STAU1: variants seen among roughly 807,000 people sequenced by gnomAD.
The protein encoded by STAU1 is staufen double-stranded RNA binding protein 1, also known as double-stranded RNA-binding protein Staufen homolog 1.
A neutral mutation model predicts 62.9 loss-of-function variants in STAU1; 13 were observed. That is an observed-to-expected ratio of 0.21 (90% CI 0.13 to 0.33). STAU1 has a LOEUF of 0.33. STAU1 is among the 10% of genes least tolerant of loss of function. The probability of loss-of-function intolerance (pLI) is 1.00; values close to 1 mark genes in which losing one functional copy is unlikely to be tolerated. For synonymous variants in STAU1, 269 were observed against 265.1 expected, an observed-to-expected ratio of 1.01 and a Z score of -0.14; for missense variants, 571 against 712.1, an observed-to-expected ratio of 0.80 and a Z score of 2.25.
At chr20:49,188,079 G>C (rs1386060770) in intron 1 of STAU1, 37 bp downstream of exon 1, 4 of 151,406 alleles carry the variant, frequency 2.6e-5, no homozygotes, top group Non-Finnish European at 4.4e-5. Context: ...GCGCCCGCGA[G>C]GGCCCCACCA....
At position 49,114,910 on chromosome 20, in the gene STAU1, T is replaced by C. The variant is rs1158242909; in HGVS notation, c.1719-17A>G. 2.5e-6 allele frequency: 4 copies of C among 1,612,240 alleles called. No individual in the cohort carries two copies. The highest frequency in any genetic ancestry group is 1.3e-5 in the African/African-American group (1 of 74,816). On this transcript the variant is annotated splice_polypyrimidine_tract_variant and intron_variant, in intron 13 of 13. Transcript: ENST00000371856. ...CTCCCACACCTTTAAGGAAGAAAAA[T>C]GAAAATGACACTAGTTTTGAAATGT...
upstream of STAU1, among the ~76,000 whole-genome samples, chr20:49,191,773 G>A (rs904956502): frequency 4.6e-5 from 7 of 152,086 alleles, 1 homozygote; most frequent in South Asian, 6.2e-4. Flanking sequence ...TAATGGGGCC[G>A]GGCGCAGTGG....
chr20:49,116,709 C>T (rs2092334458), intron 12 of STAU1, among the ~76,000 whole-genome samples: 1 of 152,154 alleles, frequency 6.6e-6, no homozygotes, highest in Non-Finnish European at 1.5e-5. Context: ...ATTTGTTGAT[C>T]TGATCAATTC....
chr20:49,208,325 T>C, the STAU1 span, among the ~76,000 whole-genome samples: 2 of 152,080 alleles, frequency 1.3e-5, no homozygotes, highest in Non-Finnish European at 2.9e-5. Context: ...CCCAAAGTGC[T>C]AGGATTACAG....
intron 6 of STAU1, among the ~76,000 whole-genome samples, chr20:49,131,446 A>G (rs2092747284): frequency 2.6e-5 from 4 of 152,234 alleles, no homozygotes. Flanking sequence ...CTCTTAAGAG[A>G]TACATGCTGA....
chr20:49,192,614 G>A (rs1056092369), upstream of STAU1, among the ~76,000 whole-genome samples: 1 of 151,942 alleles, frequency 6.6e-6, no homozygotes, highest in Non-Finnish European at 1.5e-5. Context: ...TGGCCAACGT[G>A]GCAAAATCCC....
chr20:49,201,071 A>AAGAAG, the STAU1 span, among the ~76,000 whole-genome samples: 51 of 104,592 alleles, frequency 4.9e-4, no homozygotes, highest in African/African-American at 1.4e-3. Context: ...AAAAAAAAAA[A>AAGAAG]AAGAAGAAGA....
At chr20:49,165,234 G>A (rs1395623474) in intron 3 of STAU1, among the ~76,000 whole-genome samples, 4 of 152,212 alleles carry the variant, frequency 2.6e-5, no homozygotes, top group East Asian at 1.9e-4. Flanking sequence ...TAGTAGAGAC[G>A]GAGTCTCACC....
At chr20:49,214,023 C>T in the STAU1 span, among the ~76,000 whole-genome samples, 37 of 151,730 alleles carry the variant, frequency 2.4e-4, no homozygotes, top group Non-Finnish European at 5.9e-5. Flanking sequence ...CCAGCCTCGC[C>T]AACATGGTGA....
At chr20:49,166,769 T>C (rs1568916569) in intron 2 of STAU1, among the ~76,000 whole-genome samples, 1 of 152,156 alleles carries the variant, frequency 6.6e-6, no homozygotes, top group African/African-American at 2.4e-5. Flanking sequence ...ACTGACAACC[T>C]TAGGGCCTTA....
intron 5 of STAU1, among the ~76,000 whole-genome samples, chr20:49,137,433 G>C (rs1406335100): frequency 3.3e-5 from 5 of 152,030 alleles, no homozygotes; most frequent in Admixed American, 1.3e-4. Flanking sequence ...GATAATAAGA[G>C]GAACTAGATA....
At chr20:49,178,517 G>A (rs952982766) in intron 1 of STAU1, among the ~76,000 whole-genome samples, 1 of 152,204 alleles carries the variant, frequency 6.6e-6, no homozygotes, top group Non-Finnish European at 1.5e-5. Context: ...GGGAGGCCAA[G>A]GCAGGTGGAT....
intron 3 of STAU1, among the ~76,000 whole-genome samples, chr20:49,156,246 T>G (rs2093354655): frequency 6.6e-6 from 1 of 152,216 alleles, no homozygotes; most frequent in Admixed American, 6.5e-5. Flanking sequence ...AAATATATTT[T>G]CATTAAACTT....
chr20:49,144,431 T>C (rs2093078792), intron 5 of STAU1, among the ~76,000 whole-genome samples: 2 of 152,198 alleles, frequency 1.3e-5, no homozygotes, highest in South Asian at 4.1e-4. Context: ...TAGCTGATTC[T>C]TGAGTTTGGG....
chr20:49,203,677 T>G, the STAU1 span, among the ~76,000 whole-genome samples: 10 of 152,206 alleles, frequency 6.6e-5, no homozygotes, highest in Non-Finnish European at 1.5e-4. Flanking sequence ...AAATGCTATA[T>G]ATTTTTATTT....
chr20:49,135,224 C>T (rs569906421), intron 6 of STAU1, among the ~76,000 whole-genome samples: 2 of 152,132 alleles, frequency 1.3e-5, no homozygotes, highest in Non-Finnish European at 2.9e-5. Context: ...ATTAAGCTGG[C>T]GCTTAATAAA....
intron 5 of STAU1, among the ~76,000 whole-genome samples, chr20:49,138,864 T>TA (rs1386260474): frequency 6.6e-6 from 1 of 152,096 alleles, no homozygotes; most frequent in Non-Finnish European, 1.5e-5. Flanking sequence ...AGTGAATCCT[T>TA]AAAACTGGCA....
the STAU1 span, among the ~76,000 whole-genome samples, chr20:49,212,248 C>G: frequency 8.7e-4 from 133 of 152,326 alleles, no homozygotes; most frequent in Non-Finnish European, 1.5e-3. Context: ...CTTGGCCTCC[C>G]AAAGTTATGG....
chr20:49,118,453 G>A, intron 9 of STAU1, 45 bp from the exon 10 acceptor site: 1 of 1,456,000 alleles, frequency 6.9e-7, no homozygotes, highest in Non-Finnish European at 9.5e-7. Flanking sequence ...GCATAAATCA[G>A]ATCACTGAAA....
Sources: allele counts gnomAD v4.1 joint callset (sites outside exome capture counted in the v4.1 genomes callset), GRCh38; gene constraint gnomAD v4.1.1; transcripts MANE v1.5; gene names NCBI Gene and HGNC (gene_info 2026-07-23, HGNC 2026-07-21).